DPP10: variants seen among roughly 807,000 people sequenced by gnomAD.
DPP10 encodes the protein inactive dipeptidyl peptidase 10.
In DPP10, 33 loss-of-function variants were observed where a neutral mutation model predicts 120.9. That is an observed-to-expected ratio of 0.27 (90% CI 0.21 to 0.37). The LOEUF is 0.37. DPP10 is among the 10% of genes least tolerant of loss of function. The pLI, the probability that DPP10 is intolerant of heterozygous loss-of-function variation, is 1.00. For synonymous variants in DPP10, 337 were observed against 326.1 expected, an observed-to-expected ratio of 1.03 and a Z score of -0.36; for missense variants, 816 against 942.8, an observed-to-expected ratio of 0.87 and a Z score of 1.76.
At chr2:115,815,650 C>T (rs1201288842) in intron 20 of DPP10, 25 bp from the exon 21 acceptor site, 1 of 1,589,442 alleles carries the variant, frequency 6.3e-7, no homozygotes, top group Non-Finnish European at 8.6e-7. Flanking sequence ...AAAGATATAA[C>T]TATTGTTTTT....
intron 1 of DPP10, among the ~76,000 whole-genome samples, chr2:114,801,762 C>A (rs948223632): frequency 1.3e-5 from 2 of 152,144 alleles, no homozygotes; most frequent in Non-Finnish European, 2.9e-5. Context: ...TAGAGTCTTG[C>A]CAATTATTCG....
intron 1 of DPP10, among the ~76,000 whole-genome samples, chr2:114,471,186 A>G (rs1446005153): frequency 6.6e-6 from 1 of 152,246 alleles, no homozygotes; most frequent in Non-Finnish European, 1.5e-5. Flanking sequence ...TTAATAAGTA[A>G]TAAAAATATG....
At chr2:115,277,834 A>C (rs2059983046) in intron 1 of DPP10, among the ~76,000 whole-genome samples, 1 of 152,204 alleles carries the variant, frequency 6.6e-6, no homozygotes, top group Non-Finnish European at 1.5e-5. Flanking sequence ...AGACTTTTAA[A>C]CTTTAATAAA....
intron 4 of DPP10, among the ~76,000 whole-genome samples, chr2:115,512,252 C>T (rs2077271959): frequency 6.6e-6 from 1 of 152,020 alleles, no homozygotes. Context: ...AGGCATGAGC[C>T]ACCATGTCTA....
chr2:115,319,015 T>C (rs2106089288), intron 2 of DPP10, among the ~76,000 whole-genome samples: 1 of 152,292 alleles, frequency 6.6e-6, no homozygotes, highest in Admixed American at 6.5e-5. Context: ...GCTTTCAGTC[T>C]TTATTCATTG....
At chr2:114,987,602 G>T (rs1180074380) in intron 1 of DPP10, among the ~76,000 whole-genome samples, 1 of 151,984 alleles carries the variant, frequency 6.6e-6, no homozygotes, top group Non-Finnish European at 1.5e-5. Context: ...AACTGTGAAG[G>T]ACTGGCACTT....
At position 114,617,077 on chromosome 2, in the gene DPP10, A is replaced by G. The variant is rs917854941; in HGVS notation, c.60+174239A>G. On this transcript the variant is annotated intron_variant, in intron 1 of 25. Transcript: ENST00000410059. ...TCATCAAGCACACGTTCTATAAGAC[A>G]ACTGACTGGTTACTTCAACAAGTCA... 3.9e-5 allele frequency among the ~76,000 whole-genome samples: 6 copies of G among 152,168 alleles called. No homozygotes were observed. In the East Asian group the frequency reaches 1.2e-3, roughly 29 times the overall value.
intron 8 of DPP10, among the ~76,000 whole-genome samples, chr2:115,734,797 T>C (rs750611197): frequency 1.3e-5 from 2 of 151,972 alleles, no homozygotes. Flanking sequence ...CTTAACCAAA[T>C]TGTAAGTTAG....
At chr2:115,604,703 CTCTGACTG>C (rs989670137) in intron 5 of DPP10, among the ~76,000 whole-genome samples, 5 of 3,636 alleles carry the variant, frequency 1.4e-3, no homozygotes, top group East Asian at 0.12. Context: ...TTTAATTATT[CTCTGACTG>C]TCTTTCAGTT....
intron 2 of DPP10, among the ~76,000 whole-genome samples, chr2:115,342,662 G>A (rs2063508102): frequency 6.6e-6 from 1 of 152,134 alleles, no homozygotes; most frequent in Non-Finnish European, 1.5e-5. Context: ...AAATTCTGGT[G>A]TGTCAGACTG....
At chr2:114,493,542 C>T (rs933030407) in intron 1 of DPP10, among the ~76,000 whole-genome samples, 1 of 151,876 alleles carries the variant, frequency 6.6e-6, no homozygotes, top group African/African-American at 2.4e-5. Context: ...CCAACAAGTT[C>T]AGAAATCTCA....
chr2:115,433,441 A>G (rs1268906165), intron 3 of DPP10, among the ~76,000 whole-genome samples: 1 of 151,998 alleles, frequency 6.6e-6, no homozygotes, highest in Non-Finnish European at 1.5e-5. Flanking sequence ...GTGTAAATGT[A>G]TAAATACATG....
intron 1 of DPP10, among the ~76,000 whole-genome samples, chr2:114,944,034 A>T (rs181997313): frequency 6.6e-6 from 1 of 152,296 alleles, no homozygotes; most frequent in South Asian, 2.1e-4. Flanking sequence ...TTGCTATCAT[A>T]ATATAATTCT....
chr2:115,344,239 G>A (rs1224783807), intron 3 of DPP10, among the ~76,000 whole-genome samples: 1 of 151,866 alleles, frequency 6.6e-6, no homozygotes. Context: ...TGGTTCTTGT[G>A]AGAGAAAATC....
intron 1 of DPP10, among the ~76,000 whole-genome samples, chr2:114,632,274 TG>T (rs1694979322): frequency 6.6e-6 from 1 of 152,068 alleles, no homozygotes; most frequent in Admixed American, 6.6e-5. Context: ...ATTCTGTGGT[TG>T]GGGAATTGTG....
intron 19 of DPP10, among the ~76,000 whole-genome samples, chr2:115,805,256 C>T (rs952505937): frequency 6.6e-6 from 1 of 152,124 alleles, no homozygotes; most frequent in African/African-American, 2.4e-5. Context: ...TCTCCTGGTG[C>T]ACCGTTTGTG....
At chr2:114,573,748 C>T (rs1296418401) in intron 1 of DPP10, among the ~76,000 whole-genome samples, 1 of 152,106 alleles carries the variant, frequency 6.6e-6, no homozygotes, top group African/African-American at 2.4e-5. Flanking sequence ...GGAAGAAATG[C>T]AATAGCTAAT....
chr2:114,695,758 T>A (rs1159339089), intron 1 of DPP10, among the ~76,000 whole-genome samples: 2 of 152,104 alleles, frequency 1.3e-5, no homozygotes, highest in Admixed American at 1.3e-4. Context: ...CACAGGAGAA[T>A]TGGAGTCTTG....
At chr2:114,471,040 G>A (rs528774067) in intron 1 of DPP10, among the ~76,000 whole-genome samples, 36 of 152,306 alleles carry the variant, frequency 2.4e-4, no homozygotes, top group African/African-American at 8.7e-4. Flanking sequence ...ATGAGACAAA[G>A]TAGAAAATGA....
Sources: gnomAD v4.1 joint callset for allele counts (sites outside exome capture counted in the v4.1 genomes callset) on GRCh38, gnomAD v4.1.1 for gene constraint, MANE v1.5 for transcripts, NCBI Gene and HGNC (gene_info 2026-07-23, HGNC 2026-07-21) for gene names.